Variants in SHROOM3 observed in about 807,000 individuals in gnomAD.
SHROOM3 encodes the protein protein Shroom3.
Under a neutral mutation model 138.6 loss-of-function variants are expected in SHROOM3, and 47 were observed. That is an observed-to-expected ratio of 0.34 (90% CI 0.27 to 0.43). SHROOM3 has a LOEUF of 0.43. SHROOM3 is among the 20% of genes least tolerant of loss of function. SHROOM3 has a pLI of 1.00. For synonymous variants in SHROOM3, 1,062 were observed against 1,063.3 expected (o/e 1.00, Z 0.02); for missense variants, 2,491 against 2,596.5 (o/e 0.96, Z 0.88).
intron 2 of SHROOM3, among the ~76,000 whole-genome samples, chr4:76,620,940 A>G (rs1734992217): frequency 6.6e-6 from 1 of 152,166 alleles, no homozygotes; most frequent in African/African-American, 2.4e-5. Context: ...GGTCAGCAGA[A>G]CAGCACCTTA....
chr4:76,473,221 A>T (rs1731416191), intron 1 of SHROOM3, among the ~76,000 whole-genome samples: 1 of 152,234 alleles, frequency 6.6e-6, no homozygotes, highest in African/African-American at 2.4e-5. Context: ...TTGAGAAAGT[A>T]AAAATATAAC....
chr4:76,710,306 G>C lies in SHROOM3; in HGVS notation c.455+19G>C. 1.1e-5 allele frequency: 17 copies of C among 1,613,622 alleles called. No homozygotes were observed. Among genetic ancestry groups the C allele is most frequent in the Non-Finnish European group, 1.4e-5 (17 of 1,179,748 alleles). ...AGCACAGGTAAGACGCACGGAAGTT[G>C]GTGCTGGCAGTTCGGAAAAAGAACC... On this transcript the variant is annotated intron_variant, in intron 3 of 10. Transcript: ENST00000296043.
intron 2 of SHROOM3, among the ~76,000 whole-genome samples, chr4:76,686,377 A>G (rs772492855): frequency 6.6e-6 from 1 of 152,182 alleles, no homozygotes; most frequent in Non-Finnish European, 1.5e-5. Flanking sequence ...GCCATAATAT[A>G]TATAAAAAAA....
intron 5 of SHROOM3, among the ~76,000 whole-genome samples, chr4:76,743,128 G>A (rs1327193211): frequency 6.6e-6 from 1 of 152,214 alleles, no homozygotes; most frequent in African/African-American, 2.4e-5. Flanking sequence ...TTCTCCTGAA[G>A]GGAAATGGGA....
chr4:76,631,581 C>T (rs2110073328), intron 2 of SHROOM3, among the ~76,000 whole-genome samples: 1 of 152,142 alleles, frequency 6.6e-6, no homozygotes. Context: ...GTGGGCTATT[C>T]CAGGCAGAGA....
intron 2 of SHROOM3, among the ~76,000 whole-genome samples, chr4:76,648,654 TTCGGTTTTGTA>T (rs2110087173): frequency 6.6e-6 from 1 of 152,218 alleles, no homozygotes; most frequent in East Asian, 1.9e-4. Flanking sequence ...CAGATCCAGA[TTCGGTTTTGTA>T]TCACTAGAAA....
At chr4:76,750,523 G>A (rs532820985) in intron 6 of SHROOM3, among the ~76,000 whole-genome samples, 1 of 152,294 alleles carries the variant, frequency 6.6e-6, no homozygotes, top group South Asian at 2.1e-4. Context: ...AGGGTGGAGG[G>A]TGGGAGGAAG....
chr4:76,654,282 C>T (rs1289469204), intron 2 of SHROOM3, among the ~76,000 whole-genome samples: 2 of 152,084 alleles, frequency 1.3e-5, no homozygotes, highest in Non-Finnish European at 2.9e-5. Context: ...AAAAGTCTGC[C>T]GAGGTAGACA....
intron 2 of SHROOM3, among the ~76,000 whole-genome samples, chr4:76,624,187 G>A (rs56290728): frequency 0.17 from 25,111 of 152,042 alleles, 2,140 homozygotes; most frequent in East Asian, 0.2. Context: ...TTAAATGCCA[G>A]AGGGAAAGGC....
chr4:76,549,380 T>G (rs561630741), intron 1 of SHROOM3, among the ~76,000 whole-genome samples: 2 of 152,072 alleles, frequency 1.3e-5, no homozygotes, highest in Admixed American at 1.3e-4. Context: ...CTTTCCTTTT[T>G]TTTTTTGAGA....
rs1322508949 is a variant in SHROOM3, at chr4:76,739,829, T to C, written c.1656T>C (p.Tyr552=). The change falls in exon 5 of 11, where the codon TAT becomes TAC. Residue 552 remains tyrosine (Y), a synonymous_variant. Coordinates refer to ENST00000296043, the MANE Select transcript of SHROOM3 (RefSeq NM_020859.4). Reference sequence around the variant, plus strand: ...AGAAACCAGAAGCTACAGCCAAGTATGTCCCCTCCAAAGTCCATTTCTGTT... The same window carrying C: ...AGAAACCAGAAGCTACAGCCAAGTACGTCCCCTCCAAAGTCCATTTCTGTT... ...VEKKPEATAK[Y]VPSKVHFCSV... The C allele has an allele frequency of 1.2e-6, 2 of 1,614,084 alleles. No individual in the cohort carries two copies. The highest frequency in any genetic ancestry group is 8.5e-7 in the Non-Finnish European group (1 of 1,180,052).
intron 1 of SHROOM3, among the ~76,000 whole-genome samples, chr4:76,486,610 G>A (rs72657889): frequency 0.048 from 7,339 of 152,252 alleles, 207 homozygotes; most frequent in Middle Eastern, 0.075. Context: ...AGGAAAGAAA[G>A]CTACATGCTG....
At chr4:76,707,248 T>G (rs1720082869) in intron 2 of SHROOM3, among the ~76,000 whole-genome samples, 1 of 152,210 alleles carries the variant, frequency 6.6e-6, no homozygotes, top group Non-Finnish European at 1.5e-5. Flanking sequence ...ATTGAACATT[T>G]TTGAAACCTG....
chr4:76,551,679 G>T (rs1356855716), intron 1 of SHROOM3, among the ~76,000 whole-genome samples: 1 of 152,066 alleles, frequency 6.6e-6, no homozygotes, highest in Non-Finnish European at 1.5e-5. Flanking sequence ...AGTCCAAGGT[G>T]GGGAGGGGTG....
chr4:76,489,888 G>A (rs1291348590), intron 1 of SHROOM3, among the ~76,000 whole-genome samples: 2 of 152,200 alleles, frequency 1.3e-5, no homozygotes, highest in African/African-American at 4.8e-5. Flanking sequence ...GCCCAGCAAA[G>A]CAAAGAAAGA....
Position 76,762,509 on chromosome 4 carries a change from G to A in SHROOM3, c.5349+2814G>A, listed in dbSNP as rs112959838. ...ACCCACTTGCCCTGTGGGCTTATCTGGCTCTTCAGGGATAAAGAAAGATGA... is the reference window on the plus strand; with the variant it reads ...ACCCACTTGCCCTGTGGGCTTATCTAGCTCTTCAGGGATAAAGAAAGATGA... On this transcript the variant is annotated intron_variant, in intron 9 of 10. Coordinates refer to ENST00000296043, the MANE Select transcript of SHROOM3 (RefSeq NM_020859.4). Among the ~76,000 whole-genome samples the A allele has an allele frequency of 2.1e-3, 318 of 152,290 alleles. 3 individuals carry two copies. The highest frequency in any genetic ancestry group is 7.3e-3 in the African/African-American group (302 of 41,560).
rs184060914 is a variant in SHROOM3, at chr4:76,572,938, C to G, written c.323+17175C>G. Among the ~76,000 whole-genome samples, 18 of 151,968 alleles carry G rather than the reference C, an allele frequency of 1.2e-4. No homozygotes were observed. In the East Asian group the frequency reaches 3.5e-3, roughly 30 times the overall value. Reference sequence around the variant, plus strand: ...TCTACTAAAAATACAAAAGATTAGCCAGGTGTGGTAGCACACGCCTGTAGT... The same window carrying G: ...TCTACTAAAAATACAAAAGATTAGCGAGGTGTGGTAGCACACGCCTGTAGT... On this transcript the variant is annotated intron_variant, in intron 2 of 10. Coordinates refer to ENST00000296043, the MANE Select transcript of SHROOM3 (RefSeq NM_020859.4).
chr4:76,630,153 A>T (rs1291715153), intron 2 of SHROOM3, among the ~76,000 whole-genome samples: 1 of 152,188 alleles, frequency 6.6e-6, no homozygotes, highest in Non-Finnish European at 1.5e-5. Context: ...ATATTTTCAT[A>T]CCACGTACAG....
At chr4:76,536,174 G>T (rs968940601) in intron 1 of SHROOM3, among the ~76,000 whole-genome samples, 6 of 152,184 alleles carry the variant, frequency 3.9e-5, no homozygotes, top group Admixed American at 3.3e-4. Flanking sequence ...TCCTTCACTG[G>T]CAGGATCTTC....
Sources: gnomAD v4.1 joint callset for allele counts (sites outside exome capture counted in the v4.1 genomes callset) on GRCh38, gnomAD v4.1.1 for gene constraint, MANE v1.5 for transcripts, NCBI Gene and HGNC (gene_info 2026-07-23, HGNC 2026-07-21) for gene names.